GNG7: variants seen among roughly 807,000 people sequenced by gnomAD.
GNG7 encodes guanine nucleotide-binding protein G(I)/G(S)/G(O) subunit gamma-7.
Under a neutral mutation model 4.0 loss-of-function variants are expected in GNG7, and 1 was observed. The ratio of observed to expected loss-of-function variants is 0.25; its 90% CI spans 0.09 to 1.18. The LOEUF (loss-of-function observed/expected upper bound fraction) is 1.18, where lower values mean the gene tolerates loss of function less well. Among genes scored for constraint, GNG7 ranks in the 50% most tolerant of loss-of-function variants. The pLI, the probability that GNG7 is intolerant of heterozygous loss-of-function variation, is 0.50. For missense variants in GNG7, 86 were observed against 91.9 expected, an observed-to-expected ratio of 0.94 and a Z score of 0.26; for synonymous variants, 34 against 36.9, an observed-to-expected ratio of 0.92 and a Z score of 0.29.
intron 2 of GNG7, among the ~76,000 whole-genome samples, chr19:2,569,252 G>A (rs1001299333): frequency 1.4e-4 from 20 of 147,724 alleles, no homozygotes; most frequent in African/African-American, 4.4e-4. Flanking sequence ...AGTGGATGGC[G>A]ATCATCTCCA....
rs533443484 is a variant in GNG7, at chr19:2,649,690, G to A, written c.-134-3410C>T. 5.3e-5 allele frequency among the ~76,000 whole-genome samples: 8 copies of A among 152,102 alleles called. No homozygotes were observed. In the East Asian group the frequency reaches 1.2e-3, roughly 22 times the overall value. On this transcript the variant is annotated intron_variant, in intron 1 of 4. Transcript: ENST00000382159. ...GGCGTGAGCCACCGCGCCCAGCCAG[G>A]AATCATTATTTTTAAACAGCCTTAT...
rs191858874 is a variant in GNG7, at chr19:2,659,300, C to T, written c.-134-13020G>A. Among the ~76,000 whole-genome samples the T allele has an allele frequency of 2.1e-3, 292 of 141,790 alleles. 1 individual carries two copies. The highest frequency in any genetic ancestry group is 3.3e-3 in the Admixed American group (47 of 14,394). The allele number at this position is 141,790 out of a possible 152,430, so 93.0% of individuals were successfully genotyped here. A position where few individuals can be genotyped will look rare whatever the true frequency, so the allele number is the denominator to read the frequency against. ...TTTTTTAAATAAAGGAGAGGAGGGCCGGGCGCGGTGGCTCACGTCTGTCAT... is the reference window on the plus strand; with the variant it reads ...TTTTTTAAATAAAGGAGAGGAGGGCTGGGCGCGGTGGCTCACGTCTGTCAT... On this transcript the variant is annotated intron_variant, in intron 1 of 4. Coordinates refer to ENST00000382159, the MANE Select transcript of GNG7 (RefSeq NM_052847.3).
chr19:2,552,857 C>CG (rs150374145), intron 3 of GNG7, among the ~76,000 whole-genome samples: 2 of 147,730 alleles, frequency 1.4e-5, no homozygotes, highest in South Asian at 2.2e-4. Flanking sequence ...CTCCACCCCC[C>CG]CCACCTCCCC....
intron 2 of GNG7, among the ~76,000 whole-genome samples, chr19:2,619,165 A>G (rs1981800610): frequency 6.6e-6 from 1 of 152,246 alleles, no homozygotes. Context: ...AGGCATATAA[A>G]CAAAAGCTCC....
Position 2,608,127 on chromosome 19 carries a change from AGGTCGCC to A in GNG7, c.-78+38090_-78+38096del, listed in dbSNP as rs1981448265. 2.0e-5 allele frequency among the ~76,000 whole-genome samples: 3 copies of A among 149,944 alleles called. No homozygotes were observed. The South Asian group carries it at 6.3e-4, about 31-fold the overall frequency. ...AAAAAAATAAATAAAGGTTAGGCTG[AGGTCGCC>A]GCCCTGCCACTCATGACACAGAGCG... On this transcript the variant is annotated intron_variant, in intron 2 of 4. Coordinates refer to ENST00000382159, the MANE Select transcript of GNG7 (RefSeq NM_052847.3).
At chr19:2,635,079 C>T (rs896486881) in intron 2 of GNG7, among the ~76,000 whole-genome samples, 6 of 152,204 alleles carry the variant, frequency 3.9e-5, no homozygotes, top group Non-Finnish European at 4.4e-5. Flanking sequence ...GGGGTGGGGT[C>T]GTCCTGGGCA....
At chr19:2,576,951 C>T (rs1229780447) in intron 2 of GNG7, among the ~76,000 whole-genome samples, 11 of 152,214 alleles carry the variant, frequency 7.2e-5, no homozygotes, top group South Asian at 2.1e-4. Flanking sequence ...CCCAAAGTGC[C>T]GGGATTACAG....
intron 1 of GNG7, among the ~76,000 whole-genome samples, chr19:2,669,715 G>A (rs1187730682): frequency 6.6e-6 from 1 of 152,020 alleles, no homozygotes; most frequent in Non-Finnish European, 1.5e-5. Context: ...CTTTACAGAA[G>A]AGGTCTGTTG....
chr19:2,621,564 G>C (rs1420963419), intron 2 of GNG7, among the ~76,000 whole-genome samples: 1 of 151,570 alleles, frequency 6.6e-6, no homozygotes, highest in African/African-American at 2.4e-5. Context: ...GGGCGTGTTG[G>C]TGCGCGCCTG....
intron 1 of GNG7, among the ~76,000 whole-genome samples, chr19:2,671,670 C>T (rs1377691860): frequency 6.6e-6 from 1 of 152,186 alleles, no homozygotes; most frequent in African/African-American, 2.4e-5. Context: ...TCAGGCACCG[C>T]TCCTGCCCCA....
intron 3 of GNG7, among the ~76,000 whole-genome samples, chr19:2,524,772 G>A (rs764188322): frequency 9.2e-5 from 14 of 152,114 alleles, no homozygotes; most frequent in South Asian, 2.1e-4. Context: ...CTGCATGTGC[G>A]TGTGCGCACA....
chr19:2,636,998 C>G (rs971734347), intron 2 of GNG7, among the ~76,000 whole-genome samples: 10 of 151,820 alleles, frequency 6.6e-5, no homozygotes, highest in Admixed American at 2.0e-4. Context: ...GCACCTCTGT[C>G]CCCACCTGCA....
chr19:2,635,422 T>C (rs1982281175), intron 2 of GNG7, among the ~76,000 whole-genome samples: 1 of 152,186 alleles, frequency 6.6e-6, no homozygotes, highest in Non-Finnish European at 1.5e-5. Context: ...AAACTCCCAA[T>C]GGAGCAGACG....
At chr19:2,523,224 G>A (rs1302646619) in intron 3 of GNG7, among the ~76,000 whole-genome samples, 1 of 151,858 alleles carries the variant, frequency 6.6e-6, no homozygotes, top group Admixed American at 6.6e-5. Flanking sequence ...ATCAGGGAGG[G>A]GCAGGGGCTG....
chr19:2,657,385 T>TAA (rs1983022626), intron 1 of GNG7, among the ~76,000 whole-genome samples: 1 of 78,786 alleles, frequency 1.3e-5, no homozygotes, highest in Non-Finnish European at 2.6e-5. Context: ...TATATATATA[T>TAA]ATATATATAT....
At chr19:2,696,408 AGAAG>A (rs60180160) in intron 1 of GNG7, among the ~76,000 whole-genome samples, 2,364 of 151,902 alleles carry the variant, frequency 0.016, 67 homozygotes, top group African/African-American at 0.053. Flanking sequence ...AGACGAAGGA[AGAAG>A]GAAGGAAGGA....
chr19:2,524,431 G>A (rs965389180), intron 3 of GNG7, among the ~76,000 whole-genome samples: 9 of 152,230 alleles, frequency 5.9e-5, no homozygotes, highest in African/African-American at 2.2e-4. Flanking sequence ...ACATGTGTAT[G>A]TGTGTGCACA....
chr19:2,606,638 A>G (rs1384762010), intron 2 of GNG7, among the ~76,000 whole-genome samples: 1 of 148,272 alleles, frequency 6.7e-6, no homozygotes, highest in Non-Finnish European at 1.5e-5. Context: ...CTGGGCAACA[A>G]GAGTGAAACT....
intron 1 of GNG7, among the ~76,000 whole-genome samples, chr19:2,695,930 G>A (rs528165835): frequency 1.2e-4 from 18 of 151,996 alleles, no homozygotes; most frequent in Non-Finnish European, 5.9e-5. Flanking sequence ...AGGCCGAGGC[G>A]GGCAGATCAC....
Sources: gnomAD v4.1 joint callset for allele counts (sites outside exome capture counted in the v4.1 genomes callset) on GRCh38, gnomAD v4.1.1 for gene constraint, MANE v1.5 for transcripts, NCBI Gene and HGNC (gene_info 2026-07-23, HGNC 2026-07-21) for gene names.